The following ERP29 variants were observed in gnomAD, a reference collection of about 807,000 sequenced individuals.
ERP29 encodes the protein endoplasmic reticulum protein 29.
In ERP29, 14 loss-of-function variants were observed where a neutral mutation model predicts 21.7. That is an observed-to-expected ratio of 0.64 (90% CI 0.43 to 1.01). The LOEUF is 1.01. Among genes scored for constraint, ERP29 ranks in the 50% least tolerant of loss-of-function variants. The probability of loss-of-function intolerance (pLI) is 0.00; values close to 1 mark genes in which losing one functional copy is unlikely to be tolerated. For missense variants in ERP29, 286 were observed against 327.3 expected (o/e 0.87, Z 0.97); for synonymous variants, 129 against 139.1 (o/e 0.93, Z 0.51).
chr12:112,017,548 T>A (rs541966501), intron 1 of ERP29, among the ~76,000 whole-genome samples: 5 of 152,288 alleles, frequency 3.3e-5, no homozygotes, highest in South Asian at 4.1e-4. Context: ...TTTCATGTGC[T>A]GAAGTGAAAT....
At position 112,013,444 on chromosome 12, in the gene ERP29, C is replaced by T. The variant is rs771257813; in HGVS notation, c.-22C>T. 4 of 1,601,990 alleles carry T rather than the reference C, an allele frequency of 2.5e-6. No individual in the cohort carries two copies. The highest frequency in any genetic ancestry group is 1.3e-5 in the African/African-American group (1 of 74,552). On this transcript the variant is annotated 5_prime_UTR_variant, in exon 1 of 3. Transcript: ENST00000261735. The stretch of plus-strand genomic sequence containing the variant: ...GTTCTCCACTATCGCTTACCTACCT[C>T]CCTCTGCAGGAACCCGGCGATATGG...
intron 1 of ERP29, among the ~76,000 whole-genome samples, chr12:112,015,642 T>C (rs941421873): frequency 1.3e-5 from 2 of 152,090 alleles, no homozygotes; most frequent in Non-Finnish European, 2.9e-5. Context: ...ACAGAACAAG[T>C]GTGACCCAAA....
chr12:112,022,687 G>C lies in ERP29; in HGVS notation c.*35G>C. The C allele has an allele frequency of 1.9e-6, 3 of 1,564,596 alleles. No homozygotes were observed. In the South Asian group the frequency reaches 3.6e-5, roughly 19 times the overall value. ...CTGTGATTTTCCAGGGTTTGGTGGG[G>C]GTAGGGAGGGGAGAGTTAACCTGCT... On this transcript the variant is annotated 3_prime_UTR_variant, in exon 3 of 3. Coordinates refer to ENST00000261735, the MANE Select transcript of ERP29 (RefSeq NM_006817.4).
Position 112,019,747 on chromosome 12 carries a change from C to T in ERP29, c.145-9C>T, listed in dbSNP as rs747783638. On this transcript the variant is annotated splice_polypyrimidine_tract_variant and intron_variant, in intron 1 of 2. Coordinates refer to ENST00000261735, the MANE Select transcript of ERP29 (RefSeq NM_006817.4). Reference sequence around the variant, plus strand: ...GAACACCCACTTGCTCAGCTCTATACGCCCTCAGGTCATTCCCAAAAGCAA... The same window carrying T: ...GAACACCCACTTGCTCAGCTCTATATGCCCTCAGGTCATTCCCAAAAGCAA... 1.4e-5 allele frequency: 23 copies of T among 1,613,932 alleles called. No homozygotes were observed. The highest frequency in any genetic ancestry group is 8.9e-5 in the East Asian group (4 of 44,884).
chr12:112,020,017 A>G (rs1157045024), intron 2 of ERP29, 123 bp downstream of exon 2: 11 of 1,221,346 alleles, frequency 9.0e-6, no homozygotes, highest in Non-Finnish European at 1.3e-5. Flanking sequence ...GTGTAAGTAA[A>G]CAGGTTCATG....
In ERP29 at chr12:112,023,419, G is replaced by A. The variant is rs1371162809; in HGVS notation, c.*767G>A. 6.6e-6 allele frequency: 1 copy of A among 152,128 alleles called. No individual in the cohort carries two copies. Among genetic ancestry groups the A allele is most frequent in the Admixed American group, 6.6e-5 (1 of 15,264 alleles). The allele number at this position is 152,128 out of a possible 1,614,324, so 9.4% of individuals were successfully genotyped here. A position where few individuals can be genotyped will look rare whatever the true frequency, so the allele number is the denominator to read the frequency against. ...ATCACTAAATAAATACTAACTTCTAGAAAGCAGAATAAAGAGCACTTGTGC... is the reference window on the plus strand; with the variant it reads ...ATCACTAAATAAATACTAACTTCTAAAAAGCAGAATAAAGAGCACTTGTGC... On this transcript the variant is annotated 3_prime_UTR_variant, in exon 3 of 3. Transcript: ENST00000261735.
intron 2 of ERP29, among the ~76,000 whole-genome samples, chr12:112,021,299 A>G (rs369394307): frequency 7.9e-5 from 12 of 152,038 alleles, no homozygotes; most frequent in Non-Finnish European, 1.6e-4. Flanking sequence ...TCTGCCTGAG[A>G]CACTCTTCCC....
intron 1 of ERP29, among the ~76,000 whole-genome samples, chr12:112,016,226 A>T (rs2078011517): frequency 6.6e-6 from 1 of 152,222 alleles, no homozygotes; most frequent in Non-Finnish European, 1.5e-5. Context: ...GAATGAACAA[A>T]CGTTTTCTCC....
intron 1 of ERP29, among the ~76,000 whole-genome samples, chr12:112,016,195 A>G (rs974583772): frequency 2.6e-5 from 4 of 152,262 alleles, no homozygotes; most frequent in Non-Finnish European, 4.4e-5. Context: ...TAGAAGGTGC[A>G]CAATAACTAT....
Position 112,022,392 on chromosome 12 carries a change from G to T in ERP29, c.526G>T (p.Ala176Ser), listed in dbSNP as rs145232105. Residue 176 changes from alanine to serine, a missense_variant, in exon 3 of 3, where the codon GCC becomes TCC. Ala to Ser is a moderately conservative substitution (Grantham distance 99). Transcript: ENST00000261735. ...GEFIRASGVE[A>S]RQALLKQGQD... is the part of the protein sequence containing the mutation. ...GTTCATCAGGGCCTCTGGTGTGGAG[G>T]CCCGCCAGGCCCTCTTGAAGCAGGG... The T allele has an allele frequency of 4.0e-5, 65 of 1,614,188 alleles. No individual in the cohort carries two copies. In the African/African-American group the frequency reaches 7.5e-4, roughly 19 times the overall value.
chr12:112,022,849 C>A lies in ERP29; in HGVS notation c.*197C>A. On this transcript the variant is annotated 3_prime_UTR_variant, in exon 3 of 3. Transcript: ENST00000261735. ...ATGTCTCTAGCTGGTCTGGGGATAG[C>A]TGGAGCACTTACTCAGGTGGCTGGT... The A allele has an allele frequency of 1.7e-6, 1 of 600,290 alleles. No homozygotes were observed. Among genetic ancestry groups the A allele is most frequent in the Non-Finnish European group, 2.9e-6 (1 of 344,908 alleles). The allele number at this position is 600,290 out of a possible 1,614,324, so 37.2% of individuals were successfully genotyped here.
At chr12:112,021,702 T>G (rs1367204034) in intron 2 of ERP29, among the ~76,000 whole-genome samples, 1 of 151,902 alleles carries the variant, frequency 6.6e-6, no homozygotes, top group Non-Finnish European at 1.5e-5. Context: ...TTTTTTGTTA[T>G]TTTTAGCAGA....
In ERP29 at chr12:112,022,509, G is replaced by A; in HGVS notation, c.643G>A (p.Asp215Asn). 4.3e-6 allele frequency: 7 copies of A among 1,614,154 alleles called. No homozygotes were observed. The highest frequency in any genetic ancestry group is 5.9e-6 in the Non-Finnish European group (7 of 1,180,026). Residue 215 changes from aspartate (D) to asparagine (N), a missense_variant, in exon 3 of 3, where the codon GAC becomes AAC. By Grantham distance (23) the Asp-to-Asn change is conservative. Transcript: ENST00000261735. ...GGGGAAGATCTTAGACCAAGGGGAG[G>A]ACTTCCCAGCATCAGAGATGACACG... ...IMGKILDQGE[D>N]FPASEMTRIA... is the part of the protein sequence containing the mutation.
intron 1 of ERP29, 26 bp from the exon 2 acceptor site, chr12:112,019,730 A>T: frequency 6.2e-7 from 1 of 1,614,008 alleles, no homozygotes; most frequent in Non-Finnish European, 8.5e-7. Context: ...TGGAACACCC[A>T]CTTGCTCAGC....
intron 1 of ERP29, among the ~76,000 whole-genome samples, chr12:112,016,651 G>A (rs182836290): frequency 3.9e-5 from 6 of 152,316 alleles, no homozygotes; most frequent in African/African-American, 1.4e-4. Context: ...ACCACTTCGG[G>A]AGGCCGAGGC....
intron 2 of ERP29, among the ~76,000 whole-genome samples, chr12:112,021,779 G>T (rs1051683149): frequency 1.3e-5 from 2 of 151,828 alleles, no homozygotes; most frequent in African/African-American, 4.8e-5. Context: ...GTCCGCCTCG[G>T]CCTCCCAAAG....
At position 112,022,857 on chromosome 12, in the gene ERP29, C is replaced by CTT. The variant is rs1335776671; in HGVS notation, c.*206_*207dup. ...AGCTGGTCTGGGGATAGCTGGAGCA[C>CTT]TTACTCAGGTGGCTGGTGAAATGAC... On this transcript the variant is annotated 3_prime_UTR_variant, in exon 3 of 3. Transcript: ENST00000261735. The CTT allele has an allele frequency of 1.5e-5, 9 of 587,890 alleles. No homozygotes were observed. The highest frequency in any genetic ancestry group is 2.7e-5 in the Non-Finnish European group (9 of 335,472). 36.4% of individuals were successfully genotyped at this position (587,890 alleles called of 1,614,324 possible).
chr12:112,020,460 C>T (rs186100232), intron 2 of ERP29, among the ~76,000 whole-genome samples: 79 of 152,160 alleles, frequency 5.2e-4, no homozygotes, highest in Admixed American at 3.7e-3. Flanking sequence ...GATGTATTAT[C>T]TCCATGTTAT....
At chr12:112,014,325 T>C (rs1442420181) in intron 1 of ERP29, among the ~76,000 whole-genome samples, 1 of 152,172 alleles carries the variant, frequency 6.6e-6, no homozygotes, top group Non-Finnish European at 1.5e-5. Context: ...ACGACCTTTA[T>C]TGTGAACTAC....
Sources: allele counts gnomAD v4.1 joint callset (sites outside exome capture counted in the v4.1 genomes callset), GRCh38; gene constraint gnomAD v4.1.1; transcripts MANE v1.5; gene names NCBI Gene and HGNC (gene_info 2026-07-23, HGNC 2026-07-21).